C8orf34: variants seen among roughly 807,000 people sequenced by gnomAD.
The protein encoded by C8orf34 is uncharacterized protein C8orf34.
Under a neutral mutation model 68.3 loss-of-function variants are expected in C8orf34, and 65 were observed. The observed-to-expected ratio is 0.95, with a 90% CI of 0.78 to 1.17. The LOEUF (loss-of-function observed/expected upper bound fraction) is 1.17, where lower values mean the gene tolerates loss of function less well. Ranked by LOEUF, C8orf34 falls within the 50% of genes most tolerant of loss-of-function variation. The pLI, the probability that C8orf34 is intolerant of heterozygous loss-of-function variation, is 0.00. For missense variants in C8orf34, 664 were observed against 655.4 expected (o/e 1.01, Z -0.14); for synonymous variants, 244 against 241.2 (o/e 1.01, Z -0.11).
chr8:68,484,349 A>G (rs1563477405), intron 4 of C8orf34, among the ~76,000 whole-genome samples: 1 of 152,166 alleles, frequency 6.6e-6, no homozygotes, highest in South Asian at 2.1e-4. Context: ...ACAATTCAAC[A>G]TGAGATTTGG....
intron 5 of C8orf34, among the ~76,000 whole-genome samples, chr8:68,503,950 A>G (rs2129632786): frequency 1.3e-5 from 2 of 152,288 alleles, no homozygotes; most frequent in South Asian, 4.1e-4. Context: ...ATATCATAAA[A>G]TACATCCTTT....
At chr8:68,679,426 A>G (rs1452240496) in intron 8 of C8orf34, among the ~76,000 whole-genome samples, 3 of 152,204 alleles carry the variant, frequency 2.0e-5, no homozygotes, top group Admixed American at 2.0e-4. Context: ...AAAATTTAAG[A>G]GGACACAAAA....
At chr8:68,600,256 C>T (rs1817661497) in intron 7 of C8orf34, among the ~76,000 whole-genome samples, 1 of 152,046 alleles carries the variant, frequency 6.6e-6, no homozygotes, top group Admixed American at 6.5e-5. Flanking sequence ...CTCATTCAAG[C>T]CCTTTATCCT....
chr8:68,815,916 G>T lies in C8orf34; in HGVS notation c.1580G>T (p.Cys527Phe). 1 of 1,613,736 alleles carries T rather than the reference G, an allele frequency of 6.2e-7. No homozygotes were observed. Among genetic ancestry groups the T allele is most frequent in the Non-Finnish European group, 8.5e-7 (1 of 1,179,768 alleles). ...RSADLLLCVPCSSCPTLVYSG... is the reference protein window; with the variant it reads ...RSADLLLCVPFSSCPTLVYSG... ...GCTGATCTTCTTCTTTGCGTTCCAT[G>T]CTCTTCTTGTCCTACGCTGGTCTAC... is the stretch of plus-strand genomic sequence containing the variant. Residue 527 changes from cysteine (C) to phenylalanine (F), a missense_variant, in exon 13 of 14, where the codon TGC (cysteine) becomes TTC (phenylalanine). Cys to Phe is a radical substitution (Grantham distance 205). Coordinates refer to ENST00000518698, the MANE Select transcript of C8orf34 (RefSeq NM_052958.4).
chr8:68,807,266 A>C (rs1172856772), intron 12 of C8orf34, among the ~76,000 whole-genome samples: 2 of 152,198 alleles, frequency 1.3e-5, no homozygotes, highest in Non-Finnish European at 2.9e-5. Context: ...AAAGAATTTG[A>C]AGACTATGTT....
chr8:68,395,214 A>G (rs2129620955), intron 1 of C8orf34, among the ~76,000 whole-genome samples: 1 of 152,162 alleles, frequency 6.6e-6, no homozygotes, highest in South Asian at 2.1e-4. Flanking sequence ...ACATTCTGGG[A>G]GACATAAATG....
At chr8:68,729,105 T>A (rs1009764351) in intron 10 of C8orf34, among the ~76,000 whole-genome samples, 8 of 152,216 alleles carry the variant, frequency 5.3e-5, no homozygotes, top group Non-Finnish European at 1.2e-4. Context: ...CACATACAAC[T>A]GATGTATAAT....
chr8:68,384,579 GCATAGTAAAA>G (rs1586029061), intron 1 of C8orf34, among the ~76,000 whole-genome samples: 2 of 152,214 alleles, frequency 1.3e-5, no homozygotes, highest in East Asian at 3.8e-4. Context: ...GTGAGGAGAT[GCATAGTAAAA>G]GCCAGGGTGA....
intron 10 of C8orf34, among the ~76,000 whole-genome samples, chr8:68,726,854 C>CG (rs999275485): frequency 1.4e-5 from 1 of 73,242 alleles, no homozygotes; most frequent in East Asian, 2.8e-4. Context: ...AATAACCTCC[C>CG]CCGGGTCCCT....
intron 1 of C8orf34, among the ~76,000 whole-genome samples, chr8:68,435,838 TA>T (rs1810642905): frequency 6.6e-6 from 1 of 152,166 alleles, no homozygotes; most frequent in African/African-American, 2.4e-5. Context: ...ATGGCAACCG[TA>T]TGATGTAGCT....
intron 10 of C8orf34, among the ~76,000 whole-genome samples, chr8:68,749,251 C>A (rs533360623): frequency 6.8e-6 from 1 of 146,398 alleles, no homozygotes; most frequent in South Asian, 2.3e-4. Flanking sequence ...GTGGGGGGAG[C>A]GGGGAGGGAT....
At chr8:68,611,470 A>G (rs1233642639) in intron 7 of C8orf34, among the ~76,000 whole-genome samples, 1 of 152,196 alleles carries the variant, frequency 6.6e-6, no homozygotes, top group African/African-American at 2.4e-5. Context: ...TGCATTTCAT[A>G]AATACTTTTA....
At position 68,780,685 on chromosome 8, in the gene C8orf34, C is replaced by T. The variant is rs548066250; in HGVS notation, c.1455+4236C>T. On this transcript the variant is annotated intron_variant, in intron 11 of 13. Transcript: ENST00000518698. ...CTGTAATCCCAGCACTTTGGGAGGC[C>T]GAGGTGGGCAGATTGCAGTCCAGGA... Among the ~76,000 whole-genome samples the T allele has an allele frequency of 1.9e-3, 282 of 152,114 alleles. 1 individual carries two copies. Among genetic ancestry groups the T allele is most frequent in the Non-Finnish European group, 3.0e-3 (201 of 68,004 alleles).
At chr8:68,710,329 G>A (rs1821296332) in intron 9 of C8orf34, among the ~76,000 whole-genome samples, 1 of 152,184 alleles carries the variant, frequency 6.6e-6, no homozygotes, top group South Asian at 2.1e-4. Context: ...GAGGCTCATG[G>A]TCTGGGGCAA....
intron 6 of C8orf34, among the ~76,000 whole-genome samples, chr8:68,524,153 G>T (rs531037604): frequency 9.2e-5 from 14 of 152,212 alleles, no homozygotes; most frequent in African/African-American, 3.4e-4. Context: ...CTCCATCTTT[G>T]TTACATAGCC....
intron 7 of C8orf34, among the ~76,000 whole-genome samples, chr8:68,586,272 A>G (rs541924891): frequency 6.6e-6 from 1 of 152,154 alleles, no homozygotes; most frequent in East Asian, 1.9e-4. Flanking sequence ...ATGCACTTAC[A>G]TCAAAAATCT....
At chr8:68,586,307 G>A (rs1332665092) in intron 7 of C8orf34, among the ~76,000 whole-genome samples, 24 of 151,996 alleles carry the variant, frequency 1.6e-4, no homozygotes, top group Admixed American at 1.6e-3. Flanking sequence ...ATGTGATTTC[G>A]ATTCTTTCTT....
intron 8 of C8orf34, among the ~76,000 whole-genome samples, chr8:68,664,762 A>G (rs927228186): frequency 4.6e-5 from 7 of 152,146 alleles, no homozygotes; most frequent in Non-Finnish European, 7.4e-5. Flanking sequence ...ACAGCACAGC[A>G]AGTCTGGCTG....
rs1446789303 is a variant in C8orf34, at chr8:68,601,630, G to A, written c.1106-38746G>A. 2.0e-5 allele frequency among the ~76,000 whole-genome samples: 3 copies of A among 151,876 alleles called. No homozygotes were observed. The East Asian group carries it at 5.8e-4, about 29-fold the overall frequency. On this transcript the variant is annotated intron_variant, in intron 7 of 13. Coordinates refer to ENST00000518698, the MANE Select transcript of C8orf34 (RefSeq NM_052958.4). The stretch of plus-strand genomic sequence containing the variant: ...GAGATTCATTTTATCCTTTTCATTT[G>A]ATTCAATTCAATTCTTGATTTCTTA...
Sources: gnomAD v4.1 joint callset for allele counts (sites outside exome capture counted in the v4.1 genomes callset) on GRCh38, gnomAD v4.1.1 for gene constraint, MANE v1.5 for transcripts, NCBI Gene and HGNC (gene_info 2026-07-23, HGNC 2026-07-21) for gene names.